Variants in DYSF observed in about 807,000 individuals in gnomAD.
The protein encoded by DYSF is dystrophy-associated fer-1-like 1.
A neutral mutation model predicts 274.9 loss-of-function variants in DYSF; 212 were observed. That is an observed-to-expected ratio of 0.77 (90% CI 0.69 to 0.86). The LOEUF (loss-of-function observed/expected upper bound fraction) is 0.86, where lower values mean the gene tolerates loss of function less well. Ranked by LOEUF, DYSF falls within the 40% of genes least tolerant of loss-of-function variation. The pLI, the probability that DYSF is intolerant of heterozygous loss-of-function variation, is 0.00. For missense variants in DYSF, 2,666 were observed against 2,783.2 expected (o/e 0.96, Z 0.95); for synonymous variants, 1,091 against 1,078.7 (o/e 1.01, Z -0.22).
At chr2:71,547,570 C>T (rs548322252) in intron 17 of DYSF, among the ~76,000 whole-genome samples, 2 of 152,194 alleles carry the variant, frequency 1.3e-5, no homozygotes, top group African/African-American at 4.8e-5. Context: ...ACCTGGGAGG[C>T]GGAGGTTGCA....
At chr2:71,655,599 C>T (rs2094753682) in intron 42 of DYSF, among the ~76,000 whole-genome samples, 1 of 152,204 alleles carries the variant, frequency 6.6e-6, no homozygotes, top group Non-Finnish European at 1.5e-5. Context: ...ATTGAGCTAA[C>T]AAGTTTAAAG....
At chr2:71,634,334 C>G (rs760320690) in intron 41 of DYSF, among the ~76,000 whole-genome samples, 1 of 152,164 alleles carries the variant, frequency 6.6e-6, no homozygotes, top group African/African-American at 2.4e-5. Flanking sequence ...GAAAACATAC[C>G]ACCATTTCCC....
intron 1 of DYSF, among the ~76,000 whole-genome samples, chr2:71,460,938 GAAAA>G (rs61178408): frequency 7.9e-6 from 1 of 126,240 alleles, no homozygotes. Context: ...TGATAGACAG[GAAAA>G]AAAAAAAAAA....
At chr2:71,494,985 G>T (rs1189016832) in intron 3 of DYSF, among the ~76,000 whole-genome samples, 1 of 152,190 alleles carries the variant, frequency 6.6e-6, no homozygotes, top group Admixed American at 6.5e-5. Context: ...ACAGTCACTG[G>T]GTGGGATGGG....
In DYSF at chr2:71,667,394, A is replaced by G. The variant is rs1573078295; in HGVS notation, c.5336A>G (p.Asn1779Ser). ...GGGGCAGAGGCTGGCAGGATCCCAA[A>G]CCCACACCTGGGCCCAGTGGAGGAG... ...IEEIEAGRIP[N>S]PHLGPVEERL... Residue 1779 changes from asparagine to serine, a missense_variant, in exon 48 of 56, where the codon AAC becomes AGC. Asn to Ser is a conservative substitution (Grantham distance 46, BLOSUM62 1). Around this residue, in one of 3 missense-constraint regions of DYSF, gnomAD observed 1,460 missense variants for 1,502.1 expected, o/e 0.97. Coordinates refer to ENST00000410020, the MANE Select transcript of DYSF (RefSeq NM_001130987.2). 1 of 1,613,990 alleles carries G rather than the reference A, an allele frequency of 6.2e-7. No individual in the cohort carries two copies. The highest frequency in any genetic ancestry group is 1.7e-5 in the Admixed American group (1 of 60,016).
intron 30 of DYSF, among the ~76,000 whole-genome samples, chr2:71,579,351 G>A (rs140868801): frequency 1.2e-3 from 187 of 152,240 alleles, no homozygotes; most frequent in Non-Finnish European, 2.3e-3. Context: ...CAGAAACGTC[G>A]GCAACGTGTG....
At chr2:71,519,079 C>T (rs978157668) in intron 10 of DYSF, among the ~76,000 whole-genome samples, 21 of 110,092 alleles carry the variant, frequency 1.9e-4, no homozygotes, top group Admixed American at 6.8e-4. Context: ...GATGACAGAG[C>T]GACACTCCAT....
intron 41 of DYSF, among the ~76,000 whole-genome samples, chr2:71,624,463 C>G (rs1341106144): frequency 3.9e-5 from 6 of 152,174 alleles, no homozygotes; most frequent in Non-Finnish European, 8.8e-5. Flanking sequence ...CCTTAAAAGG[C>G]TTTTCAGGTG....
chr2:71,553,073 G>T lies in DYSF; in HGVS notation c.1869G>T (p.Gln623His), dbSNP rs2091069259. Residue 623 changes from glutamine (Q) to histidine (H), a missense_variant, in exon 20 of 56, where the codon CAG becomes CAT. Transcript: ENST00000410020. The part of the protein sequence containing the change: ...FAAFYSATML[Q>H]DVDDAIQFEV... Reference sequence around the variant, plus strand: ...CCTTCTACTCAGCCACCATGCTGCAGGATGTGGATGATGCCATCCAGTTTG... The same window carrying T: ...CCTTCTACTCAGCCACCATGCTGCATGATGTGGATGATGCCATCCAGTTTG... 4.3e-6 allele frequency: 7 copies of T among 1,614,198 alleles called. No homozygotes were observed. The East Asian group carries it at 1.6e-4, about 36-fold the overall frequency.
chr2:71,664,774 A>G (rs936023473), intron 46 of DYSF, among the ~76,000 whole-genome samples: 2 of 152,244 alleles, frequency 1.3e-5, no homozygotes, highest in Non-Finnish European at 2.9e-5. Flanking sequence ...GCAGGAAAGA[A>G]GCAGGGGAAA....
intron 32 of DYSF, among the ~76,000 whole-genome samples, chr2:71,591,107 C>T (rs761397172): frequency 6.6e-6 from 1 of 152,252 alleles, no homozygotes; most frequent in Non-Finnish European, 1.5e-5. Context: ...GCTCATTGCC[C>T]TCTATCCAGT....
chr2:71,470,514 T>C (rs2081926571), intron 1 of DYSF, among the ~76,000 whole-genome samples: 1 of 150,986 alleles, frequency 6.6e-6, no homozygotes, highest in Admixed American at 6.6e-5. Flanking sequence ...CTACTAAAAA[T>C]ACAAAAAAAA....
Position 71,679,133 on chromosome 2 carries a change from T to A in DYSF, c.5961T>A (p.Asp1987Glu). 1 of 1,614,056 alleles carries A rather than the reference T, an allele frequency of 6.2e-7. No homozygotes were observed. The highest frequency in any genetic ancestry group is 2.2e-5 in the East Asian group (1 of 44,866). ...TAKKCSLDQL[D>E]DAFHPEWFVS... ...AGAAGTGCTCCTTGGACCAGCTGGA[T>A]GATGCTTTCCACCCAGAATGGTTTG... The change falls in exon 53 of 56, where the codon GAT (aspartate) becomes GAA (glutamate). Residue 1987 changes from aspartate (D) to glutamate (E), a missense_variant. By Grantham distance (45) the Asp-to-Glu change is conservative (BLOSUM62 2). Around this residue, in one of 3 missense-constraint regions of DYSF, gnomAD observed 1,460 missense variants for 1,502.1 expected, o/e 0.97. Coordinates refer to ENST00000410020, the MANE Select transcript of DYSF (RefSeq NM_001130987.2).
intron 41 of DYSF, among the ~76,000 whole-genome samples, chr2:71,636,713 C>T (rs1012040200): frequency 1.6e-4 from 24 of 152,230 alleles, no homozygotes; most frequent in African/African-American, 5.5e-4. Context: ...AATGTATGTG[C>T]TATTTAAAGA....
chr2:71,537,218 G>GTTTTTTTTTTTTT (rs751063098), intron 16 of DYSF, among the ~76,000 whole-genome samples: 2 of 47,704 alleles, frequency 4.2e-5, no homozygotes, highest in African/African-American at 6.3e-5. Flanking sequence ...TTACTTTCTA[G>GTTTTTTTTTTTTT]TTTTGTTTTT....
At chr2:71,583,722 C>T (rs1254440392) in intron 30 of DYSF, among the ~76,000 whole-genome samples, 1 of 152,194 alleles carries the variant, frequency 6.6e-6, no homozygotes, top group Non-Finnish European at 1.5e-5. Context: ...CTCAGACATG[C>T]TGGTGGGCTC....
At chr2:71,557,722 A>C (rs1376341358) in intron 22 of DYSF, among the ~76,000 whole-genome samples, 1 of 152,142 alleles carries the variant, frequency 6.6e-6, no homozygotes, top group Non-Finnish European at 1.5e-5. Flanking sequence ...TAAGAATTTT[A>C]CATGTATTAA....
intron 17 of DYSF, among the ~76,000 whole-genome samples, chr2:71,544,718 C>A (rs890018757): frequency 6.6e-6 from 1 of 152,114 alleles, no homozygotes; most frequent in African/African-American, 2.4e-5. Context: ...GCCTTGGCCT[C>A]CCAAATGTTA....
At chr2:71,539,064 T>A in intron 16 of DYSF, 93 bp from the exon 17 acceptor site, 1 of 1,092,498 alleles carries the variant, frequency 9.2e-7, no homozygotes, top group Non-Finnish European at 1.4e-6. Flanking sequence ...CCCGCCCCCC[T>A]GTGATGTGTA....
Sources: gnomAD v4.1 joint callset for allele counts (sites outside exome capture counted in the v4.1 genomes callset) on GRCh38, gnomAD v4.1.1 for gene constraint, gnomAD v4.1.1 regional missense constraint, MANE v1.5 for transcripts, NCBI Gene and HGNC (gene_info 2026-07-23, HGNC 2026-07-21) for gene names.